Variants in ZNF529 observed in about 807,000 individuals in gnomAD.
ZNF529 encodes the protein zinc finger protein 529.
In ZNF529, 11 loss-of-function variants were observed where a neutral mutation model predicts 10.1. The observed-to-expected ratio is 1.09, with a 90% CI of 0.69 to 1.81. The LOEUF is 1.81. Among genes scored for constraint, ZNF529 ranks in the 40% most tolerant of loss-of-function variants. The probability of loss-of-function intolerance (pLI) is 0.00; values close to 1 mark genes in which losing one functional copy is unlikely to be tolerated. For synonymous variants in ZNF529, 204 were observed against 215.7 expected (o/e 0.95, Z 0.47); for missense variants, 624 against 666.8 (o/e 0.94, Z 0.71).
intron 2 of ZNF529, among the ~76,000 whole-genome samples, chr19:36,570,073 G>A (rs778243434): frequency 1.1e-4 from 17 of 152,016 alleles, no homozygotes; most frequent in Admixed American, 4.6e-4. Context: ...TAAAAACCCC[G>A]GACATGGGCC....
intron 2 of ZNF529, 77 bp downstream of exon 2, chr19:36,572,256 C>A: frequency 6.8e-7 from 1 of 1,481,196 alleles, no homozygotes; most frequent in East Asian, 2.5e-5. Flanking sequence ...GACAAGGGGA[C>A]CCATCTCTAC....
intron 2 of ZNF529, among the ~76,000 whole-genome samples, chr19:36,566,001 A>G (rs2035883192): frequency 1.3e-5 from 2 of 152,308 alleles, no homozygotes; most frequent in South Asian, 4.1e-4. Flanking sequence ...TTTGTTTGAG[A>G]CAGGGTCTCA....
intron 1 of ZNF529, among the ~76,000 whole-genome samples, chr19:36,590,428 G>A (rs995040318): frequency 6.6e-6 from 1 of 152,062 alleles, no homozygotes; most frequent in Non-Finnish European, 1.5e-5. Flanking sequence ...GTGGAATGGA[G>A]TTAAAGTAGG....
chr19:36,546,061 G>GTGTATATATATATATATATA lies in ZNF529; in HGVS notation c.*804_*805insTATATATATATATATATACA, dbSNP rs1491095167. ...ATACATATATTGTGTGTGTGTGTGT[G>GTGTATATATATATATATATA]TATATATATATATATATATAGTGTG... On this transcript the variant is annotated 3_prime_UTR_variant, in exon 5 of 5. Coordinates refer to ENST00000591340, the MANE Select transcript of ZNF529 (RefSeq NM_020951.5). The GTGTATATATATATATATATA allele has an allele frequency of 3.1e-5, 4 of 130,114 alleles. No individual in the cohort carries two copies. The highest frequency in any genetic ancestry group is 2.3e-4 in the East Asian group (1 of 4,306). 8.1% of individuals were successfully genotyped at this position (130,114 alleles called of 1,614,324 possible). A position where few individuals can be genotyped will look rare whatever the true frequency, so the allele number is the denominator to read the frequency against.
intron 1 of ZNF529, among the ~76,000 whole-genome samples, chr19:36,593,102 C>A (rs1173599180): frequency 1.3e-5 from 2 of 152,146 alleles, no homozygotes; most frequent in African/African-American, 2.4e-5. Context: ...ATAAATGAAA[C>A]CTATAAATAC....
chr19:36,595,366 T>C (rs982774291), intron 1 of ZNF529, among the ~76,000 whole-genome samples: 2 of 152,156 alleles, frequency 1.3e-5, no homozygotes, highest in African/African-American at 4.8e-5. Flanking sequence ...TATAATTTAA[T>C]ATATTATTTC....
chr19:36,600,209 G>C (rs1267827769), intron 1 of ZNF529, among the ~76,000 whole-genome samples: 1 of 152,162 alleles, frequency 6.6e-6, no homozygotes, highest in Admixed American at 6.5e-5. Context: ...TCAATGTACT[G>C]AGACATTTCC....
intron 2 of ZNF529, among the ~76,000 whole-genome samples, chr19:36,588,595 A>G (rs1322253936): frequency 6.6e-6 from 1 of 152,152 alleles, no homozygotes; most frequent in Admixed American, 6.6e-5. Flanking sequence ...GAACATACTG[A>G]TGACCCCCAG....
At position 36,546,153 on chromosome 19, in the gene ZNF529, CACAT is replaced by C. The variant is rs2035010368; in HGVS notation, c.*709_*712del. 1 of 149,894 alleles carries C rather than the reference CACAT, an allele frequency of 6.7e-6. No individual in the cohort carries two copies. Among genetic ancestry groups the C allele is most frequent in the Non-Finnish European group, 1.5e-5 (1 of 67,584 alleles). The allele number at this position is 149,894 out of a possible 1,614,324, so 9.3% of individuals were successfully genotyped here. A position where few individuals can be genotyped will look rare whatever the true frequency, so the allele number is the denominator to read the frequency against. ...ACATATACATCACACACTATATACA[CACAT>C]ATAGTATATGTGATATGTATAGTAT... On this transcript the variant is annotated 3_prime_UTR_variant, in exon 5 of 5. Transcript: ENST00000591340.
At chr19:36,599,210 C>G (rs1162451901) in intron 1 of ZNF529, among the ~76,000 whole-genome samples, 1 of 152,160 alleles carries the variant, frequency 6.6e-6, no homozygotes, top group Admixed American at 6.5e-5. Context: ...GACTTCTGGT[C>G]TTGAAAGATT....
At position 36,546,053 on chromosome 19, in the gene ZNF529, G is replaced by C. The variant is rs905478791; in HGVS notation, c.*813C>G. The C allele has an allele frequency of 4.2e-4, 34 of 80,682 alleles. No homozygotes were observed. The highest frequency in any genetic ancestry group is 6.8e-4 in the Non-Finnish European group (23 of 33,714). 5.0% of individuals were successfully genotyped at this position (80,682 alleles called of 1,614,324 possible). ...TACTATATATACATATATTGTGTGT[G>C]TGTGTGTGTATATATATATATATAT... On this transcript the variant is annotated 3_prime_UTR_variant, in exon 5 of 5. Coordinates refer to ENST00000591340, the MANE Select transcript of ZNF529 (RefSeq NM_020951.5).
At position 36,570,360 on chromosome 19, in the gene ZNF529, C is replaced by CA. The variant is rs58429405; in HGVS notation, c.14+1972dup. The stretch of plus-strand genomic sequence containing the variant: ...TGGGTGAGAGAGCAAGACCCTATCT[C>CA]AAAAAAAAAAAAAAAAAAAAAGAAA... On this transcript the variant is annotated intron_variant, in intron 2 of 4. Coordinates refer to ENST00000591340, the MANE Select transcript of ZNF529 (RefSeq NM_020951.5). Among the ~76,000 whole-genome samples the CA allele has an allele frequency of 4.9e-3, 344 of 70,528 alleles. 3 individuals are homozygous for CA. The highest frequency in any genetic ancestry group is 0.013 in the African/African-American group (230 of 18,076). 46.3% of individuals were successfully genotyped at this position (70,528 alleles called of 152,430 possible).
intron 1 of ZNF529, among the ~76,000 whole-genome samples, chr19:36,590,942 AAAAG>A (rs1209554463): frequency 2.0e-5 from 3 of 151,974 alleles, no homozygotes; most frequent in Non-Finnish European, 2.9e-5. Flanking sequence ...AAAAAAAAAA[AAAAG>A]AGTTGATAAA....
upstream of ZNF529, chr19:36,605,444 G>A (rs111647441): frequency 0.014 from 2,204 of 152,840 alleles, 25 homozygotes; most frequent in Non-Finnish European, 0.022. Context: ...GGAGGCCAGG[G>A]AGGTAACCAA....
chr19:36,598,371 C>A lies in ZNF529; in HGVS notation c.-128+6755G>T, dbSNP rs557543603. 2.0e-5 allele frequency among the ~76,000 whole-genome samples: 3 copies of A among 151,832 alleles called. No individual in the cohort carries two copies. The East Asian group carries it at 5.8e-4, about 29-fold the overall frequency. ...CAATAGTAAAAAATATTAGCCGGGC[C>A]GAGTGACATGCACACCTGTAGTCCC... On this transcript the variant is annotated intron_variant, in intron 1 of 4. Transcript: ENST00000585960.
chr19:36,554,939 TTA>T, intron 3 of ZNF529, 143 bp from the exon 4 acceptor site: 1 of 631,566 alleles, frequency 1.6e-6, no homozygotes. Context: ...AGTAAGGAAA[TTA>T]GTGCTTCCAA....
intron 2 of ZNF529, among the ~76,000 whole-genome samples, chr19:36,570,759 C>T (rs1207953753): frequency 1.3e-5 from 2 of 152,168 alleles, no homozygotes; most frequent in African/African-American, 4.8e-5. Flanking sequence ...TCAAAATTAA[C>T]TTTATATTTT....
rs182199159 is a variant in ZNF529 at position 36,566,186 on chromosome 19, C to T, written c.14+6147G>A. On this transcript the variant is annotated intron_variant, in intron 2 of 4. Coordinates refer to ENST00000591340, the MANE Select transcript of ZNF529 (RefSeq NM_020951.5). ...TAGTGGGAAAACAACAACAACAACA[C>T]TTTTCTGAGTTGTGTGAGTCCATCT... Among the ~76,000 whole-genome samples the T allele has an allele frequency of 2.4e-3, 359 of 152,296 alleles. 1 individual carries two copies. The highest frequency in any genetic ancestry group is 8.3e-3 in the African/African-American group (344 of 41,556).
chr19:36,551,672 G>A (rs1308752495), intron 4 of ZNF529, among the ~76,000 whole-genome samples: 1 of 152,126 alleles, frequency 6.6e-6, no homozygotes, highest in Admixed American at 6.5e-5. Flanking sequence ...ATGACAAATT[G>A]AAACACACTG....
Sources: gnomAD v4.1 joint callset for allele counts (sites outside exome capture counted in the v4.1 genomes callset) on GRCh38, gnomAD v4.1.1 for gene constraint, MANE v1.5 for transcripts, NCBI Gene and HGNC (gene_info 2026-07-23, HGNC 2026-07-21) for gene names.